PRKAR1B: variants seen among roughly 807,000 people sequenced by gnomAD.
PRKAR1B encodes cAMP-dependent protein kinase type I-beta regulatory subunit.
Under a neutral mutation model 46.5 loss-of-function variants are expected in PRKAR1B, and 22 were observed. The observed-to-expected ratio is 0.47, with a 90% confidence interval of 0.34 to 0.68. The LOEUF (loss-of-function observed/expected upper bound fraction) is 0.68, where lower values mean the gene tolerates loss of function less well. Ranked by LOEUF, PRKAR1B falls within the 30% of genes least tolerant of loss-of-function variation. The pLI is 0.01. For synonymous variants in PRKAR1B, 259 were observed against 217.7 expected, an observed-to-expected ratio of 1.19 and a Z score of -1.67; for missense variants, 445 against 535.6, an observed-to-expected ratio of 0.83 and a Z score of 1.67.
intron 4 of PRKAR1B, among the ~76,000 whole-genome samples, chr7:650,526 C>A (rs1784849021): frequency 6.6e-6 from 1 of 152,238 alleles, no homozygotes; most frequent in South Asian, 2.1e-4. Context: ...CTCTGGTGCC[C>A]TCACCCACTG....
intron 2 of PRKAR1B, among the ~76,000 whole-genome samples, chr7:680,989 C>T (rs1315378577): frequency 6.6e-6 from 1 of 152,176 alleles, no homozygotes; most frequent in Non-Finnish European, 1.5e-5. Context: ...CCCATCATCC[C>T]CATCATCCCC....
chr7:563,316 A>G (rs1244569302), intron 9 of PRKAR1B, among the ~76,000 whole-genome samples: 2 of 152,186 alleles, frequency 1.3e-5, no homozygotes, highest in Admixed American at 6.5e-5. Context: ...TTCTTTTCCA[A>G]TGAGCCTAAA....
intron 4 of PRKAR1B, among the ~76,000 whole-genome samples, chr7:634,947 T>A (rs746680801): frequency 7.2e-5 from 11 of 152,140 alleles, no homozygotes; most frequent in Non-Finnish European, 1.3e-4. Context: ...GCCTGCAACT[T>A]ACTCTCAAAT....
At chr7:712,043 A>C (rs1323689031) in intron 1 of PRKAR1B, among the ~76,000 whole-genome samples, 1 of 139,974 alleles carries the variant, frequency 7.1e-6, no homozygotes, top group African/African-American at 2.6e-5. Context: ...GCAGGTAAAC[A>C]AGGGAAGCTG....
intron 1 of PRKAR1B, among the ~76,000 whole-genome samples, chr7:725,465 C>T (rs778718280): frequency 1.3e-5 from 2 of 152,182 alleles, no homozygotes; most frequent in South Asian, 2.1e-4. Flanking sequence ...GCTGTTTAGG[C>T]GCCTCTGTCT....
chr7:602,380 TGAGGAGGAG>T lies in PRKAR1B; in HGVS notation c.549+3804_549+3812del, dbSNP rs1188313433. 6.6e-6 allele frequency among the ~76,000 whole-genome samples: 1 copy of T among 150,810 alleles called. No individual in the cohort carries two copies. The highest frequency in any genetic ancestry group is 1.5e-5 in the Non-Finnish European group (1 of 67,588). The stretch of plus-strand genomic sequence containing the variant: ...GGGGTGGGTGGGGATTCTGCGAGGA[TGAGGAGGAG>T]GAGGAGGAGGTCCCGCCAAGGTCAG... On this transcript the variant is annotated intron_variant, in intron 6 of 10. Transcript: ENST00000537384. This position sits in a 1 kb window ranked among gnomAD's most constrained non-coding sequence, Gnocchi z 6.4.
intron 10 of PRKAR1B, 93 bp downstream of exon 10, chr7:551,295 AG>A (rs1784175580): frequency 8.3e-7 from 1 of 1,200,460 alleles, no homozygotes. Flanking sequence ...GCCCCAGGGA[AG>A]CCCCCCAGCA....
intron 1 of PRKAR1B, among the ~76,000 whole-genome samples, chr7:725,383 G>T (rs1470223067): frequency 6.6e-6 from 1 of 152,134 alleles, no homozygotes; most frequent in East Asian, 1.9e-4. Flanking sequence ...ACCAGACTTG[G>T]GGACTCCTGG....
chr7:706,244 T>C (rs2128525233), intron 2 of PRKAR1B, among the ~76,000 whole-genome samples: 1 of 152,158 alleles, frequency 6.6e-6, no homozygotes, highest in South Asian at 2.1e-4. Flanking sequence ...GAAGATGGCT[T>C]GAGCCTGAGA....
At chr7:648,816 C>T (rs1393546527) in intron 4 of PRKAR1B, among the ~76,000 whole-genome samples, 1 of 151,342 alleles carries the variant, frequency 6.6e-6, no homozygotes, top group Non-Finnish European at 1.5e-5. Context: ...GAAATATAAA[C>T]CCATAGGGAT....
Position 666,064 on chromosome 7 carries a change from C to T in PRKAR1B, c.440+11165G>A, listed in dbSNP as rs1363841489. Among the ~76,000 whole-genome samples, 1 of 152,178 alleles carries T rather than the reference C, an allele frequency of 6.6e-6. No homozygotes were observed. Among genetic ancestry groups the T allele is most frequent in the Non-Finnish European group, 1.5e-5 (1 of 68,026 alleles). ...AGTAATGAGGTCCCCGCCGGAGGCC[C>T]AACGCACAACACAAACACGCACGGT... On this transcript the variant is annotated intron_variant, in intron 4 of 10. Coordinates refer to ENST00000537384, the MANE Select transcript of PRKAR1B (RefSeq NM_001164760.2). The surrounding 1 kb of genome is among the most constrained non-coding windows in gnomAD (Gnocchi z 4.9).
At chr7:652,252 G>T (rs557911553) in intron 4 of PRKAR1B, among the ~76,000 whole-genome samples, 2 of 144,652 alleles carry the variant, frequency 1.4e-5, no homozygotes, top group East Asian at 4.3e-4. Context: ...CCCACACAGC[G>T]CTAGGAACCT....
At chr7:583,513 A>ACACGCGTACC (rs1780374660) in intron 8 of PRKAR1B, among the ~76,000 whole-genome samples, 5 of 58,912 alleles carry the variant, frequency 8.5e-5, no homozygotes, top group Admixed American at 5.7e-4. Flanking sequence ...ATACACACCC[A>ACACGCGTACC]CACACGCGTG....
chr7:561,218 GCACA>G (rs1778776693), intron 9 of PRKAR1B, among the ~76,000 whole-genome samples: 1 of 149,498 alleles, frequency 6.7e-6, no homozygotes, highest in Non-Finnish European at 1.5e-5. Context: ...GCACACACAG[GCACA>G]CAAACCTGTG....
intron 2 of PRKAR1B, chr7:691,667 GA>G: frequency 1.5e-6 from 2 of 1,294,412 alleles, no homozygotes; most frequent in Non-Finnish European, 2.0e-6. Context: ...GGAGCTGTTG[GA>G]AACCCAGTGC....
rs1253494792 is a variant in PRKAR1B at position 549,377 on chromosome 7, A to G, written c.*1053T>C. ...CAGCAGGGGAGGGGCTGCAACGAGC[A>G]GCCTCGGACCAAGGACAGCCTCCCC... On this transcript the variant is annotated 3_prime_UTR_variant, in exon 11 of 11. Coordinates refer to ENST00000537384, the MANE Select transcript of PRKAR1B (RefSeq NM_001164760.2). 6.6e-6 allele frequency: 1 copy of G among 152,246 alleles called. No individual in the cohort carries two copies. Among genetic ancestry groups the G allele is most frequent in the Non-Finnish European group, 1.5e-5 (1 of 68,068 alleles). 9.4% of individuals were successfully genotyped at this position (152,246 alleles called of 1,614,324 possible). A position where few individuals can be genotyped will look rare whatever the true frequency, so the allele number is the denominator to read the frequency against.
intron 4 of PRKAR1B, among the ~76,000 whole-genome samples, chr7:615,831 A>AC (rs939318412): frequency 6.6e-6 from 1 of 151,122 alleles, no homozygotes; most frequent in African/African-American, 2.4e-5. Flanking sequence ...CCATCAAAAA[A>AC]AAAAAAAAAA....
chr7:563,647 A>G (rs1475227041), intron 9 of PRKAR1B, among the ~76,000 whole-genome samples: 2 of 151,294 alleles, frequency 1.3e-5, no homozygotes, highest in East Asian at 3.9e-4. Flanking sequence ...GTGTGCCAGA[A>G]CAGAAGTCTG....
rs566757022 is a variant in PRKAR1B, at chr7:607,560, G to C, written c.441-108C>G. On this transcript the variant is annotated intron_variant, in intron 4 of 10. Coordinates refer to ENST00000537384, the MANE Select transcript of PRKAR1B (RefSeq NM_001164760.2). ...TGTAAATCGCTTCACAGTCATTGGG[G>C]AAAATGAGAAAATCCATGAGAGTTC... The C allele has an allele frequency of 2.1e-4, 203 of 945,282 alleles. 3 individuals carry two copies. In the South Asian group the frequency reaches 2.8e-3, roughly 13 times the overall value. The allele number at this position is 945,282 out of a possible 1,614,324, so 58.6% of individuals were successfully genotyped here.
Sources: allele counts gnomAD v4.1 joint callset (sites outside exome capture counted in the v4.1 genomes callset), GRCh38; gene constraint gnomAD v4.1.1; non-coding constraint Gnocchi (gnomAD v3.1); transcripts MANE v1.5; gene names NCBI Gene and HGNC (gene_info 2026-07-23, HGNC 2026-07-21).